SNX29: variants seen among roughly 807,000 people sequenced by gnomAD.
The protein encoded by SNX29 is sorting nexin 29.
A neutral mutation model predicts 102.1 loss-of-function variants in SNX29; 78 were observed. That is an observed-to-expected ratio of 0.76 (90% CI 0.64 to 0.92). The LOEUF (loss-of-function observed/expected upper bound fraction) is 0.92, where lower values mean the gene tolerates loss of function less well. Ranked by LOEUF, SNX29 falls within the 40% of genes least tolerant of loss-of-function variation. The probability of loss-of-function intolerance (pLI) is 0.00; values close to 1 mark genes in which losing one functional copy is unlikely to be tolerated. For synonymous variants in SNX29, 580 were observed against 414.5 expected, an observed-to-expected ratio of 1.40 and a Z score of -4.85; for missense variants, 1,280 against 1,061.7, an observed-to-expected ratio of 1.21 and a Z score of -2.86.
Position 12,202,765 on chromosome 16 carries a change from T to C in SNX29, c.1678+3082T>C, listed in dbSNP as rs538993945. The stretch of plus-strand genomic sequence containing the variant: ...AACTCATGCTTTCATTTTGGGCTTA[T>C]TGCTGAAATGTGAAACAAGATGTTT... On this transcript the variant is annotated intron_variant, in intron 14 of 20. Coordinates refer to ENST00000566228, the MANE Select transcript of SNX29 (RefSeq NM_032167.5). Among the ~76,000 whole-genome samples the C allele has an allele frequency of 2.6e-3, 398 of 152,370 alleles. 2 individuals carry two copies. Among genetic ancestry groups the C allele is most frequent in the South Asian group, 3.9e-3 (19 of 4,832 alleles).
chr16:12,529,704 C>G (rs1330296898), intron 20 of SNX29, among the ~76,000 whole-genome samples: 2 of 152,018 alleles, frequency 1.3e-5, no homozygotes, highest in African/African-American at 4.8e-5. Flanking sequence ...TGCATTCTCT[C>G]TTAGGGTTGT....
At chr16:12,363,677 G>C (rs1388515969) in intron 16 of SNX29, among the ~76,000 whole-genome samples, 1 of 152,204 alleles carries the variant, frequency 6.6e-6, no homozygotes, top group Non-Finnish European at 1.5e-5. Flanking sequence ...TAGGGCAGAG[G>C]CTGAGTGCAT....
At chr16:12,151,718 T>A (rs967253859) in intron 13 of SNX29, among the ~76,000 whole-genome samples, 1 of 152,122 alleles carries the variant, frequency 6.6e-6, no homozygotes, top group Non-Finnish European at 1.5e-5. Flanking sequence ...CTACATTTAT[T>A]TGTGTTTTTT....
chr16:12,315,702 AAGT>A (rs2080710527), intron 15 of SNX29, among the ~76,000 whole-genome samples: 1 of 152,162 alleles, frequency 6.6e-6, no homozygotes, highest in African/African-American at 2.4e-5. Context: ...CAACTGTGGG[AAGT>A]AGATTTCTGT....
At chr16:12,245,269 T>TA (rs1456280948) in intron 14 of SNX29, among the ~76,000 whole-genome samples, 10 of 152,280 alleles carry the variant, frequency 6.6e-5, no homozygotes, top group African/African-American at 1.9e-4. Context: ...CCAGTCTCAG[T>TA]ATTTTCATCT....
intron 14 of SNX29, among the ~76,000 whole-genome samples, chr16:12,227,270 T>A (rs1042894206): frequency 6.6e-6 from 1 of 152,218 alleles, no homozygotes; most frequent in Admixed American, 6.5e-5. Flanking sequence ...CAGCCCTGTT[T>A]AGCGCATTTC....
Position 12,010,389 on chromosome 16 carries a change from A to T in SNX29, c.122+7346A>T, listed in dbSNP as rs773666465. On this transcript the variant is annotated intron_variant, in intron 3 of 20. Coordinates refer to ENST00000566228, the MANE Select transcript of SNX29 (RefSeq NM_032167.5). The stretch of plus-strand genomic sequence containing the variant: ...TAATCTCAAGCCCTTTGAGAGGCCA[A>T]GGTGGGAGGATCACTTGATCCCAGG... Among the ~76,000 whole-genome samples, 8 of 152,258 alleles carry T rather than the reference A, an allele frequency of 5.3e-5. No homozygotes were observed. The South Asian group carries it at 8.3e-4, about 16-fold the overall frequency.
intron 14 of SNX29, among the ~76,000 whole-genome samples, chr16:12,252,035 C>T (rs894114989): frequency 2.0e-5 from 3 of 152,280 alleles, no homozygotes; most frequent in South Asian, 2.1e-4. Flanking sequence ...AGTGGGATTA[C>T]GGATATGAGC....
intron 15 of SNX29, among the ~76,000 whole-genome samples, chr16:12,338,116 C>T (rs1417483697): frequency 2.0e-5 from 3 of 152,180 alleles, no homozygotes; most frequent in Non-Finnish European, 4.4e-5. Context: ...CCTAATGGGT[C>T]ATCAGTGTTT....
At chr16:12,035,428 A>G (rs1437134908) in intron 4 of SNX29, among the ~76,000 whole-genome samples, 1 of 152,108 alleles carries the variant, frequency 6.6e-6, no homozygotes, top group African/African-American at 2.4e-5. Flanking sequence ...AAACTCTTGT[A>G]GGATGTGGGT....
chr16:12,491,470 C>G (rs925561068), intron 19 of SNX29, among the ~76,000 whole-genome samples: 4 of 151,960 alleles, frequency 2.6e-5, no homozygotes, highest in African/African-American at 4.8e-5. Flanking sequence ...TTCACCAACA[C>G]AATGGGTATA....
chr16:12,533,605 C>T (rs149798959), intron 20 of SNX29, among the ~76,000 whole-genome samples: 1 of 152,174 alleles, frequency 6.6e-6, no homozygotes, highest in South Asian at 2.1e-4. Context: ...GGAGGAGACA[C>T]CCCGCTACCT....
chr16:12,356,720 C>G (rs181235711), intron 16 of SNX29, among the ~76,000 whole-genome samples: 21 of 152,320 alleles, frequency 1.4e-4, no homozygotes, highest in East Asian at 1.2e-3. Context: ...CCACGTACAT[C>G]AGGTACAGGG....
At chr16:12,010,321 T>G (rs2056603698) in intron 3 of SNX29, among the ~76,000 whole-genome samples, 2 of 152,128 alleles carry the variant, frequency 1.3e-5, no homozygotes, top group African/African-American at 4.8e-5. Flanking sequence ...TCATCTGCAT[T>G]TAGAAGTTGT....
chr16:12,217,214 C>G (rs529802688), intron 14 of SNX29, among the ~76,000 whole-genome samples: 2 of 152,160 alleles, frequency 1.3e-5, no homozygotes, highest in African/African-American at 4.8e-5. Context: ...GAGACAGGGT[C>G]TCACGATGTT....
chr16:12,011,534 C>A (rs1199305821), intron 3 of SNX29, among the ~76,000 whole-genome samples: 1 of 152,116 alleles, frequency 6.6e-6, no homozygotes, highest in Non-Finnish European at 1.5e-5. Context: ...CTTGGCCTCC[C>A]AAAGTGCTGG....
intron 19 of SNX29, among the ~76,000 whole-genome samples, chr16:12,488,678 G>A (rs895758869): frequency 6.6e-6 from 1 of 152,128 alleles, no homozygotes; most frequent in South Asian, 2.1e-4. Context: ...ATTCATGGTC[G>A]TTCATAGATG....
At chr16:12,551,410 C>G (rs955562279) in intron 20 of SNX29, among the ~76,000 whole-genome samples, 2 of 152,202 alleles carry the variant, frequency 1.3e-5, no homozygotes, top group Non-Finnish European at 2.9e-5. Flanking sequence ...AAGTTGGGGT[C>G]TCAGCCACAG....
intron 18 of SNX29, among the ~76,000 whole-genome samples, chr16:12,424,293 G>A (rs892512252): frequency 6.6e-6 from 1 of 152,146 alleles, no homozygotes; most frequent in Non-Finnish European, 1.5e-5. Context: ...TGACCAGGAG[G>A]CCCCATGGTC....
Sources: allele counts gnomAD v4.1 joint callset (sites outside exome capture counted in the v4.1 genomes callset), GRCh38; gene constraint gnomAD v4.1.1; transcripts MANE v1.5; gene names NCBI Gene and HGNC (gene_info 2026-07-23, HGNC 2026-07-21).